Variants in HOXD13 observed in about 807,000 individuals in gnomAD.
HOXD13 encodes the protein homeobox protein Hox-D13.
In HOXD13, 16 loss-of-function variants were observed where a neutral mutation model predicts 27.3. The ratio of observed to expected loss-of-function variants is 0.59; its 90% CI spans 0.40 to 0.89. The LOEUF (loss-of-function observed/expected upper bound fraction) is 0.89. Ranked by LOEUF, HOXD13 falls within the 40% of genes least tolerant of loss-of-function variation. The pLI, the probability that HOXD13 is intolerant of heterozygous loss-of-function variation, is 0.00. For synonymous variants in HOXD13, 241 were observed against 219.0 expected (o/e 1.10, Z -0.89); for missense variants, 481 against 482.6 (o/e 1.00, Z 0.03).
Position 176,093,094 on chromosome 2 carries a change from G to GCGGCGGCGGCA in HOXD13, c.204_205insCGGCGGCGGCA (p.Ala69ArgfsTer31), listed in dbSNP as rs1559107870. 9.1e-6 allele frequency: 13 copies of GCGGCGGCGGCA among 1,426,182 alleles called. No homozygotes were observed. The South Asian group carries it at 1.4e-4, about 16-fold the overall frequency. 88.3% of individuals were successfully genotyped at this position (1,426,182 alleles called of 1,614,324 possible). A position where few individuals can be genotyped will look rare whatever the true frequency, so the allele number is the denominator to read the frequency against. ...CGGCAGCGGCGGCTGCGGCGGCGGCGGCGGCAGCCTCCGGCTTTGCGTACC... is the reference window on the plus strand; with the variant it reads ...CGGCAGCGGCGGCTGCGGCGGCGGCGCGGCGGCGGCAGCGGCAGCCTCCGGCTTTGCGTACC... On this transcript the variant is annotated frameshift_variant, in exon 1 of 2. Coordinates refer to ENST00000392539, the MANE Select transcript of HOXD13 (RefSeq NM_000523.4). LOFTEE classifies it high-confidence loss of function.
chr2:176,093,701 C>A (rs772276440), intron 1 of HOXD13, 30 bp downstream of exon 1: 1 of 1,410,606 alleles, frequency 7.1e-7, no homozygotes, highest in Admixed American at 1.9e-5. Context: ...GGGACCGACA[C>A]GAGGGAGGGG....
chr2:176,093,271 C>T lies in HOXD13; in HGVS notation c.381C>T (p.Tyr127=), dbSNP rs1003432138. ...CCCCGAGCGCTCCAGCGCTGGGCTA[C>T]GGCTACCACTTCGGCAACGGCTACT... The part of the protein sequence containing the change: ...AAPPSAPALG[Y]GYHFGNGYYS... Residue 127 remains tyrosine, a synonymous_variant, in exon 1 of 2, where the codon TAC becomes TAT. Coordinates refer to ENST00000392539, the MANE Select transcript of HOXD13 (RefSeq NM_000523.4). 3.1e-6 allele frequency: 5 copies of T among 1,611,002 alleles called. No individual in the cohort carries two copies. Among genetic ancestry groups the T allele is most frequent in the East Asian group, 2.2e-5 (1 of 44,850 alleles).
Position 176,093,026 on chromosome 2 carries a change from G to T in HOXD13, c.136G>T (p.Ala46Ser). The change falls in exon 1 of 2, where the codon GCG becomes TCG. Residue 46 changes from alanine (A) to serine (S), a missense_variant. Ala to Ser is a moderately conservative substitution (Grantham distance 99). Transcript: ENST00000392539. The part of the protein sequence containing the change: ...ASGQCRGFLS[A>S]PVFAGTHSGR... ...AGGCCAGTGCCGCGGCTTTCTCTCC[G>T]CGCCTGTGTTCGCCGGGACGCATTC... The T allele has an allele frequency of 7.2e-7, 1 of 1,386,000 alleles. No homozygotes were observed. The allele number at this position is 1,386,000 out of a possible 1,614,324, so 85.9% of individuals were successfully genotyped here. A position where few individuals can be genotyped will look rare whatever the true frequency, so the allele number is the denominator to read the frequency against.
rs1229350159 is a variant in HOXD13, at chr2:176,095,708, C to T, written c.*978C>T. 5 of 225,466 alleles carry T rather than the reference C, an allele frequency of 2.2e-5. No individual in the cohort carries two copies. Among genetic ancestry groups the T allele is most frequent in the African/African-American group, 4.5e-5 (2 of 44,820 alleles). The allele number at this position is 225,466 out of a possible 1,614,324, so 14.0% of individuals were successfully genotyped here. ...GGGGGCCTCGCATGGAGCTGTAAAG[C>T]ATCTAACAAATATGAAAAATGTGAA... On this transcript the variant is annotated 3_prime_UTR_variant, in exon 2 of 2. Coordinates refer to ENST00000392539, the MANE Select transcript of HOXD13 (RefSeq NM_000523.4).
Position 176,093,115 on chromosome 2 carries a change from G to C in HOXD13, c.225G>C (p.Ala75=). Residue 75 remains alanine, a synonymous_variant, in exon 1 of 2, where the codon GCG becomes GCC. Transcript: ENST00000392539. Reference sequence around the variant, plus strand: ...CGGCGGCGGCAGCCTCCGGCTTTGCGTACCCCGGGACCTCTGAGCGCACGG... The same window carrying C: ...CGGCGGCGGCAGCCTCCGGCTTTGCCTACCCCGGGACCTCTGAGCGCACGG... ...AAAAAAASGF[A]YPGTSERTGS... is the part of the protein sequence containing the mutation. 1 of 1,573,106 alleles carries C rather than the reference G, an allele frequency of 6.4e-7. No homozygotes were observed. The highest frequency in any genetic ancestry group is 8.6e-7 in the Non-Finnish European group (1 of 1,166,160).
chr2:176,091,436 T>C (rs142866045), upstream of HOXD13, among the ~76,000 whole-genome samples: 2,069 of 152,256 alleles, frequency 0.014, 28 homozygotes, highest in Non-Finnish European at 0.022. Context: ...AGGACTCTCA[T>C]TGGTGCCCCA....
In HOXD13 at chr2:176,093,132, A is replaced by T; in HGVS notation, c.242A>T (p.Glu81Val). ...GGCTTTGCGTACCCCGGGACCTCTG[A>T]GCGCACGGGCTCTTCCTCGTCGTCG... ...ASGFAYPGTS[E>V]RTGSSSSSSS... Residue 81 changes from glutamate (E) to valine (V), a missense_variant, in exon 1 of 2, where the codon GAG becomes GTG. Physicochemically the swap from Glu to Val is moderately radical, Grantham distance 121. Transcript: ENST00000392539. 4 of 1,604,178 alleles carry T rather than the reference A, an allele frequency of 2.5e-6. No individual in the cohort carries two copies. Among genetic ancestry groups the T allele is most frequent in the Non-Finnish European group, 3.4e-6 (4 of 1,178,980 alleles).
rs13392701 is a variant in HOXD13, at chr2:176,093,433, C to T, written c.543C>T (p.Asn181=). ...TGGCGAGCAGCAGCGTACCGGCCAA[C>T]GAGGTGCCAGCGCGAGCCAAGGAGG... The part of the protein sequence containing the change: ...SGLASSSVPA[N]EVPARAKEVS... Residue 181 remains asparagine (N), a synonymous_variant, in exon 1 of 2, where the codon AAC becomes AAT. Transcript: ENST00000392539. 6.2e-7 allele frequency: 1 copy of T among 1,613,924 alleles called. No individual in the cohort carries two copies. The highest frequency in any genetic ancestry group is 8.5e-7 in the Non-Finnish European group (1 of 1,180,018).
upstream of HOXD13, among the ~76,000 whole-genome samples, chr2:176,092,218 G>A (rs1209123894): frequency 6.6e-6 from 1 of 152,136 alleles, no homozygotes; most frequent in Non-Finnish European, 1.5e-5. Context: ...TCGGATTTGG[G>A]GTCTAGAAGT....
upstream of HOXD13, among the ~76,000 whole-genome samples, chr2:176,092,413 G>A (rs1388620135): frequency 1.3e-5 from 2 of 151,968 alleles, no homozygotes; most frequent in Non-Finnish European, 2.9e-5. Context: ...GACAGGGCCT[G>A]GGATGGGCCG....
chr2:176,094,088 G>A (rs934133523), intron 1 of HOXD13, among the ~76,000 whole-genome samples: 1 of 152,266 alleles, frequency 6.6e-6, no homozygotes, highest in East Asian at 1.9e-4. Flanking sequence ...ACATAGGAAC[G>A]CGGGAAATCA....
upstream of HOXD13, among the ~76,000 whole-genome samples, chr2:176,092,643 G>C (rs1243909489): frequency 6.6e-6 from 1 of 152,132 alleles, no homozygotes; most frequent in Admixed American, 6.5e-5. Context: ...CTCGGGGCGG[G>C]AGGCGGCCCC....
upstream of HOXD13, among the ~76,000 whole-genome samples, chr2:176,088,159 C>T (rs752612247): frequency 6.6e-6 from 1 of 152,268 alleles, no homozygotes; most frequent in African/African-American, 2.4e-5. Flanking sequence ...ACAGTAGGAC[C>T]GCGAAAGCCT....
At chr2:176,090,125 GC>G (rs1417037247), upstream of HOXD13, among the ~76,000 whole-genome samples, 1 of 152,252 alleles carries the variant, frequency 6.6e-6, no homozygotes. Context: ...AGCCCTAGGA[GC>G]CAGTAGAATT....
At position 176,095,903 on chromosome 2, in the gene HOXD13, C is replaced by T. The variant is rs958713160; in HGVS notation, c.*1173C>T. On this transcript the variant is annotated 3_prime_UTR_variant, in exon 2 of 2. Coordinates refer to ENST00000392539, the MANE Select transcript of HOXD13 (RefSeq NM_000523.4). ...GACATTTAAAAATCACTTTTTACTC[C>T]TAGGGAGATGCCAATAAACAGAACT... 3 of 195,112 alleles carry T rather than the reference C, an allele frequency of 1.5e-5. No homozygotes were observed. The highest frequency in any genetic ancestry group is 2.1e-5 in the Non-Finnish European group (2 of 93,986). 12.1% of individuals were successfully genotyped at this position (195,112 alleles called of 1,614,324 possible). A position where few individuals can be genotyped will look rare whatever the true frequency, so the allele number is the denominator to read the frequency against.
Position 176,093,037 on chromosome 2 carries a change from C to T in HOXD13, c.147C>T (p.Phe49=), listed in dbSNP as rs1689347066. 3.6e-6 allele frequency: 5 copies of T among 1,384,094 alleles called. No individual in the cohort carries two copies. Among genetic ancestry groups the T allele is most frequent in the South Asian group, 3.4e-5 (2 of 58,446 alleles). 85.7% of individuals were successfully genotyped at this position (1,384,094 alleles called of 1,614,324 possible). A position where few individuals can be genotyped will look rare whatever the true frequency, so the allele number is the denominator to read the frequency against. ...GCGGCTTTCTCTCCGCGCCTGTGTT[C>T]GCCGGGACGCATTCGGGGCGGGCGG... is the stretch of plus-strand genomic sequence containing the variant. ...QCRGFLSAPV[F]AGTHSGRAAA... The change falls in exon 1 of 2, where the codon TTC becomes TTT. Residue 49 remains phenylalanine (F), a synonymous_variant. Coordinates refer to ENST00000392539, the MANE Select transcript of HOXD13 (RefSeq NM_000523.4).
At chr2:176,091,232 C>A (rs536485297), upstream of HOXD13, among the ~76,000 whole-genome samples, 1 of 152,118 alleles carries the variant, frequency 6.6e-6, no homozygotes, top group East Asian at 1.9e-4. Flanking sequence ...CATCTTTGGT[C>A]GGGGAACAGT....
Position 176,092,954 on chromosome 2 carries a change from G to A in HOXD13, c.64G>A (p.Ala22Thr). 1 of 1,331,380 alleles carries A rather than the reference G, an allele frequency of 7.5e-7. No individual in the cohort carries two copies. Among genetic ancestry groups the A allele is most frequent in the South Asian group, 2.0e-5 (1 of 51,000 alleles). 82.5% of individuals were successfully genotyped at this position (1,331,380 alleles called of 1,614,324 possible). A position where few individuals can be genotyped will look rare whatever the true frequency, so the allele number is the denominator to read the frequency against. ...GGCAGACGGCGGGGGCGCCGGTGGC[G>A]CCCCGGCCTCTTCCTCCTCCTCATC... ...LRADGGGAGG[A>T]PASSSSSSVA... The change falls in exon 1 of 2, where the codon GCC becomes ACC. Residue 22 changes from alanine to threonine, a missense_variant. By Grantham distance (58) the Ala-to-Thr change is moderately conservative (BLOSUM62 0). Transcript: ENST00000392539.
chr2:176,091,086 A>G (rs2105376975), upstream of HOXD13, among the ~76,000 whole-genome samples: 1 of 152,260 alleles, frequency 6.6e-6, no homozygotes, highest in African/African-American at 2.4e-5. Flanking sequence ...CCCCTCTCAT[A>G]ACTTTCCCCT....
Sources: allele counts gnomAD v4.1 joint callset (sites outside exome capture counted in the v4.1 genomes callset), GRCh38; gene constraint gnomAD v4.1.1; transcripts MANE v1.5; gene names NCBI Gene and HGNC (gene_info 2026-07-23, HGNC 2026-07-21).